PHEX: variants seen among roughly 807,000 people sequenced by gnomAD.
PHEX encodes the protein phosphate-regulating neutral endopeptidase PHEX.
PHEX carries 16 observed loss-of-function variants against 68.0 expected under a neutral mutation model. The observed-to-expected ratio is 0.24, with a 90% CI of 0.16 to 0.36. PHEX has a LOEUF of 0.36. PHEX is among the 10% of genes least tolerant of loss of function. The pLI, the probability that PHEX is intolerant of heterozygous loss-of-function variation, is 1.00. For synonymous variants in PHEX, 208 were observed against 205.1 expected, an observed-to-expected ratio of 1.01 and a Z score of -0.12; for missense variants, 480 against 575.5, an observed-to-expected ratio of 0.83 and a Z score of 1.70.
chrX:22,212,453 A>C (rs1934959114), intron 15 of PHEX, among the ~76,000 whole-genome samples: 1 of 111,629 alleles, frequency 9.0e-6, no homozygotes, highest in African/African-American at 3.3e-5. Context: ...CCACTCAAAA[A>C]ATACAAGTTC....
At chrX:22,039,032 G>A (rs1354128095) in intron 2 of PHEX, among the ~76,000 whole-genome samples, 2 of 111,904 alleles carry the variant, frequency 1.8e-5, no homozygotes, top group Non-Finnish European at 3.8e-5. Context: ...AGGCTGGCAC[G>A]ATCTCAGCTC....
chrX:22,229,084 G>A (rs1377781051), intron 20 of PHEX, among the ~76,000 whole-genome samples: 2 of 111,993 alleles, frequency 1.8e-5, no homozygotes, highest in African/African-American at 3.2e-5. Flanking sequence ...TGGCTACACA[G>A]TATGCCATGG....
At chrX:22,102,553 C>T (rs1930477171) in intron 9 of PHEX, among the ~76,000 whole-genome samples, 1 of 112,619 alleles carries the variant, frequency 8.9e-6, no homozygotes, top group South Asian at 3.6e-4. Context: ...CAGTGCTTCT[C>T]ATGTAGTAGA....
At chrX:22,193,123 T>G (rs181375688) in intron 15 of PHEX, among the ~76,000 whole-genome samples, 1 of 111,395 alleles carries the variant, frequency 9.0e-6, no homozygotes, top group African/African-American at 3.3e-5. Flanking sequence ...AAGTTGCATA[T>G]GTTATATGGG....
intron 15 of PHEX, among the ~76,000 whole-genome samples, chrX:22,204,257 T>C (rs977962274): frequency 3.6e-5 from 4 of 111,212 alleles, no homozygotes; most frequent in Non-Finnish European, 3.8e-5. Context: ...CAAGATTTGA[T>C]CACCAGTTTC....
chrX:22,110,614 A>G (rs1358361814), intron 9 of PHEX, among the ~76,000 whole-genome samples: 1 of 61,357 alleles, frequency 1.6e-5, no homozygotes, highest in Non-Finnish European at 2.8e-5. Context: ...CCCTCCCTCT[A>G]TGCAGCCATA....
chrX:22,241,751 T>G (rs912330850), intron 20 of PHEX, among the ~76,000 whole-genome samples: 4 of 111,780 alleles, frequency 3.6e-5, no homozygotes, highest in Non-Finnish European at 7.5e-5. Flanking sequence ...AATAGACCAA[T>G]AACAAGTTCT....
intron 3 of PHEX, among the ~76,000 whole-genome samples, chrX:22,060,108 T>C (rs1335651617): frequency 3.8e-5 from 4 of 105,544 alleles, no homozygotes; most frequent in African/African-American, 1.4e-4. Context: ...TAAGCTAAGA[T>C]TGTGCCACTG....
intron 17 of PHEX, among the ~76,000 whole-genome samples, chrX:22,221,295 G>A (rs1935259963): frequency 1.8e-5 from 2 of 112,268 alleles, no homozygotes; most frequent in African/African-American, 6.5e-5. Context: ...TCATAATCCA[G>A]TGAACACTTT....
At chrX:22,218,373 G>T (rs1378294108) in intron 16 of PHEX, among the ~76,000 whole-genome samples, 1 of 111,556 alleles carries the variant, frequency 9.0e-6, no homozygotes, top group Non-Finnish European at 1.9e-5. Context: ...GGGGCTATGT[G>T]CATTCAGGGG....
At chrX:22,144,905 A>G (rs1470588125) in intron 12 of PHEX, among the ~76,000 whole-genome samples, 1 of 111,743 alleles carries the variant, frequency 8.9e-6, no homozygotes, top group Non-Finnish European at 1.9e-5. Context: ...TGTCTGGTAG[A>G]ATTTTTAACA....
At chrX:22,222,675 A>G (rs1935309316) in intron 18 of PHEX, among the ~76,000 whole-genome samples, 1 of 112,168 alleles carries the variant, frequency 8.9e-6, no homozygotes, top group Non-Finnish European at 1.9e-5. Context: ...AAAACAATAG[A>G]ACAGCTTTCT....
At chrX:22,061,958 C>T (rs945225616) in intron 3 of PHEX, among the ~76,000 whole-genome samples, 1 of 111,191 alleles carries the variant, frequency 9.0e-6, no homozygotes, top group African/African-American at 3.3e-5. Flanking sequence ...AAAATCATGG[C>T]GGAAGGGGAA....
rs1936444234 is a variant in PHEX, at chrX:22,248,028, A to G, written c.*75A>G. On this transcript the variant is annotated 3_prime_UTR_variant, in exon 22 of 22. Coordinates refer to ENST00000379374, the MANE Select transcript of PHEX (RefSeq NM_000444.6). ...AGGCTGCACTGAGCCTTCATCGCCC[A>G]TTGCTTTAGGCCTGGAGACTTTCAT... 8.3e-6 allele frequency: 6 copies of G among 724,145 alleles called. No homozygotes were observed. Among genetic ancestry groups the G allele is most frequent in the Non-Finnish European group, 1.3e-5 (6 of 452,115 alleles). 59.7% of individuals were successfully genotyped at this position (724,145 alleles called of 1,213,427 possible). A position where few individuals can be genotyped will look rare whatever the true frequency, so the allele number is the denominator to read the frequency against.
intron 11 of PHEX, among the ~76,000 whole-genome samples, chrX:22,126,373 A>G (rs754645020): frequency 8.9e-6 from 1 of 112,125 alleles, no homozygotes; most frequent in Non-Finnish European, 1.9e-5. Context: ...CATGGGTATG[A>G]GATAGGATTT....
chrX:22,076,525 A>G (rs1227201814), intron 4 of PHEX, 51 bp downstream of exon 4: 1 of 781,676 alleles, frequency 1.3e-6, no homozygotes, highest in East Asian at 3.2e-5. Flanking sequence ...TATCCTTTAG[A>G]GTTCTATTAA....
At chrX:22,109,888 C>A (rs751938768) in intron 9 of PHEX, among the ~76,000 whole-genome samples, 1 of 111,765 alleles carries the variant, frequency 8.9e-6, no homozygotes, top group Non-Finnish European at 1.9e-5. Flanking sequence ...AAGACAAAAC[C>A]CTAGAAATTG....
At chrX:22,164,060 T>C (rs1569415820) in intron 12 of PHEX, among the ~76,000 whole-genome samples, 1 of 111,897 alleles carries the variant, frequency 8.9e-6, no homozygotes, top group Non-Finnish European at 1.9e-5. Flanking sequence ...ATCTGCTGTC[T>C]GCAGATGCCC....
At chrX:22,225,837 A>G (rs996317236) in intron 18 of PHEX, among the ~76,000 whole-genome samples, 6 of 112,352 alleles carry the variant, frequency 5.3e-5, no homozygotes, top group African/African-American at 1.6e-4. Context: ...TTTGAGAAAC[A>G]ATCTTGAATA....
Sources: allele counts gnomAD v4.1 joint callset (sites outside exome capture counted in the v4.1 genomes callset), GRCh38; gene constraint gnomAD v4.1.1; transcripts MANE v1.5; gene names NCBI Gene and HGNC (gene_info 2026-07-23, HGNC 2026-07-21).